CSMD3: variants seen among roughly 807,000 people sequenced by gnomAD.
The protein encoded by CSMD3 is CUB and Sushi multiple domains 3.
In CSMD3, 177 loss-of-function variants were observed where a neutral mutation model predicts 435.2. The ratio of observed to expected loss-of-function variants is 0.41; its 90% CI spans 0.36 to 0.46. The LOEUF is 0.46. Among genes scored for constraint, CSMD3 ranks in the 20% least tolerant of loss-of-function variants. CSMD3 has a pLI of 0.34. For synonymous variants in CSMD3, 1,656 were observed against 1,520.5 expected, an observed-to-expected ratio of 1.09 and a Z score of -2.07; for missense variants, 4,265 against 4,504.6, an observed-to-expected ratio of 0.95 and a Z score of 1.52.
chr8:112,502,114 A>C (rs185778949), intron 30 of CSMD3, among the ~76,000 whole-genome samples: 1 of 152,204 alleles, frequency 6.6e-6, no homozygotes, highest in South Asian at 2.1e-4. Flanking sequence ...GTTTGCCTAC[A>C]TGGCCAGCTA....
rs967680240 is a variant in CSMD3, at chr8:112,846,237, A to C, written c.1755+12908T>G. Among the ~76,000 whole-genome samples, 6 of 151,540 alleles carry C rather than the reference A, an allele frequency of 4.0e-5. No homozygotes were observed. The East Asian group carries it at 7.8e-4, about 20-fold the overall frequency. On this transcript the variant is annotated intron_variant, in intron 11 of 70. Transcript: ENST00000297405. ...TTCTTAAAAAAGATAATTCTTTTTT[A>C]ACATGTTAAAAAAGAAATATTCTTT...
At chr8:112,851,600 C>G (rs2080489602) in intron 11 of CSMD3, among the ~76,000 whole-genome samples, 1 of 152,028 alleles carries the variant, frequency 6.6e-6, no homozygotes, top group African/African-American at 2.4e-5. Flanking sequence ...CCCATCTCTA[C>G]TAAAAATGCA....
chr8:112,401,723 A>G (rs140254402), intron 35 of CSMD3, among the ~76,000 whole-genome samples: 95 of 152,242 alleles, frequency 6.2e-4, no homozygotes, highest in Middle Eastern at 3.4e-3. Context: ...ATTTACTAGT[A>G]TTTTCAATAA....
chr8:113,121,824 A>G (rs2090994636), intron 4 of CSMD3, among the ~76,000 whole-genome samples: 1 of 152,138 alleles, frequency 6.6e-6, no homozygotes, highest in African/African-American at 2.4e-5. Context: ...AATTATAACT[A>G]AAGTATGAAT....
chr8:112,585,153 T>C (rs1830625980), intron 23 of CSMD3, among the ~76,000 whole-genome samples: 4 of 151,586 alleles, frequency 2.6e-5, no homozygotes, highest in South Asian at 2.1e-4. Context: ...ATTGTCTCTA[T>C]AGAGTGGCTT....
intron 5 of CSMD3, among the ~76,000 whole-genome samples, chr8:113,080,335 T>C (rs2089509806): frequency 1.3e-5 from 2 of 152,168 alleles, no homozygotes; most frequent in Non-Finnish European, 2.9e-5. Flanking sequence ...GAAAGTGGCA[T>C]TAATATAAAC....
At chr8:113,312,804 T>C (rs2093879485) in intron 2 of CSMD3, 1 of 152,162 alleles carries the variant, frequency 6.6e-6, no homozygotes. Flanking sequence ...CAAACAGCAG[T>C]CAGACGTGCG....
chr8:112,922,410 T>C (rs1465325667), intron 9 of CSMD3, among the ~76,000 whole-genome samples: 1 of 151,954 alleles, frequency 6.6e-6, no homozygotes, highest in African/African-American at 2.4e-5. Context: ...TATGATTAAG[T>C]TATTATTGAC....
chr8:113,240,340 T>C (rs761825930), intron 3 of CSMD3, among the ~76,000 whole-genome samples: 33 of 152,162 alleles, frequency 2.2e-4, no homozygotes, highest in Non-Finnish European at 3.7e-4. Flanking sequence ...ATCTTTATAA[T>C]AGAACAATTT....
chr8:112,639,375 G>T (rs1445809561), intron 20 of CSMD3, among the ~76,000 whole-genome samples: 1 of 152,080 alleles, frequency 6.6e-6, no homozygotes, highest in Non-Finnish European at 1.5e-5. Context: ...CAGGCATAGG[G>T]AATGCTATCT....
chr8:112,579,332 C>T (rs764377825), intron 23 of CSMD3, among the ~76,000 whole-genome samples: 2 of 151,948 alleles, frequency 1.3e-5, no homozygotes, highest in Non-Finnish European at 2.9e-5. Flanking sequence ...GTAGCATTTG[C>T]CAATTTCTAC....
chr8:112,224,412 C>CT lies in CSMD3; in HGVS notation c.*358dup, dbSNP rs975670708. The CT allele has an allele frequency of 3.0e-4, 90 of 303,430 alleles. No individual in the cohort carries two copies. The highest frequency in any genetic ancestry group is 7.1e-4 in the South Asian group (22 of 30,952). The allele number at this position is 303,430 out of a possible 1,614,324, so 18.8% of individuals were successfully genotyped here. A position where few individuals can be genotyped will look rare whatever the true frequency, so the allele number is the denominator to read the frequency against. Reference sequence around the variant, plus strand: ...TATAGCTCTTATTTCTACCCTATATCTTTTTTTTTAAACCCAGTCCCTCTA... The same window carrying CT: ...TATAGCTCTTATTTCTACCCTATATCTTTTTTTTTTAAACCCAGTCCCTCTA... On this transcript the variant is annotated 3_prime_UTR_variant, in exon 71 of 71. Coordinates refer to ENST00000297405, the MANE Select transcript of CSMD3 (RefSeq NM_198123.2).
At chr8:113,387,777 A>G (rs954213818) in intron 1 of CSMD3, among the ~76,000 whole-genome samples, 2 of 151,738 alleles carry the variant, frequency 1.3e-5, no homozygotes, top group African/African-American at 4.8e-5. Flanking sequence ...AAGCAAAAGC[A>G]TTTGGATTAG....
At chr8:112,492,412 T>G (rs1484312582) in intron 31 of CSMD3, 77 bp downstream of exon 31, 1 of 1,154,834 alleles carries the variant, frequency 8.7e-7, no homozygotes, top group Non-Finnish European at 1.3e-6. Flanking sequence ...GTTGATGTTC[T>G]GAAACACAGA....
chr8:113,202,358 C>A (rs2092723877), intron 3 of CSMD3, among the ~76,000 whole-genome samples: 1 of 152,076 alleles, frequency 6.6e-6, no homozygotes, highest in African/African-American at 2.4e-5. Flanking sequence ...TGTTGCCTGG[C>A]TGCTGCTGCC....
At chr8:113,236,812 T>C (rs2093156117) in intron 3 of CSMD3, among the ~76,000 whole-genome samples, 2 of 152,278 alleles carry the variant, frequency 1.3e-5, no homozygotes, top group South Asian at 2.1e-4. Flanking sequence ...CATCTATCTA[T>C]CTATCTATCT....
intron 10 of CSMD3, among the ~76,000 whole-genome samples, chr8:112,878,867 A>G (rs2081367043): frequency 6.6e-6 from 1 of 152,056 alleles, no homozygotes; most frequent in Non-Finnish European, 1.5e-5. Context: ...TAGTTCCCCA[A>G]ATTAATACTC....
At chr8:113,314,269 A>G in intron 2 of CSMD3, 1 of 322,226 alleles carries the variant, frequency 3.1e-6, no homozygotes, top group Non-Finnish European at 5.8e-6. Flanking sequence ...AGTTATATCC[A>G]TAATGAATGA....
At chr8:113,153,084 G>GAAAGAAAGAAAGAAAGA (rs1408708311) in intron 4 of CSMD3, among the ~76,000 whole-genome samples, 1 of 74,092 alleles carries the variant, frequency 1.3e-5, no homozygotes, top group Non-Finnish European at 2.2e-5. Flanking sequence ...GAAAAAGAAA[G>GAAAGAAAGAAAGAAAGA]AAAGAAAGAA....
Sources: gnomAD v4.1 joint callset for allele counts (sites outside exome capture counted in the v4.1 genomes callset) on GRCh38, gnomAD v4.1.1 for gene constraint, MANE v1.5 for transcripts, NCBI Gene and HGNC (gene_info 2026-07-23, HGNC 2026-07-21) for gene names.